MANF: variants seen among roughly 807,000 people sequenced by gnomAD.
The protein encoded by MANF is mesencephalic astrocyte-derived neurotrophic factor.
Under a neutral mutation model 19.1 loss-of-function variants are expected in MANF, and 9 were observed. That is an observed-to-expected ratio of 0.47 (90% CI 0.28 to 0.82). The LOEUF (loss-of-function observed/expected upper bound fraction) is 0.82. Among genes scored for constraint, MANF ranks in the 40% least tolerant of loss-of-function variants. The pLI is 0.10. For synonymous variants in MANF, 89 were observed against 88.0 expected, an observed-to-expected ratio of 1.01 and a Z score of -0.06; for missense variants, 225 against 226.7, an observed-to-expected ratio of 0.99 and a Z score of 0.05.
chr3:51,386,139 G>T, intron 1 of MANF, 69 bp from the exon 2 acceptor site: 1 of 1,547,864 alleles, frequency 6.5e-7, no homozygotes, highest in Non-Finnish European at 8.8e-7. Flanking sequence ...AATTGCTGGC[G>T]GAGTTCTTTT....
At position 51,385,298 on chromosome 3, in the gene MANF, C is replaced by T. The variant is rs1399020001; in HGVS notation, c.-45C>T. ...GCGCGGCGGGTGCGGTTCAGTCGGT[C>T]GGCGGCGGCAGCGGAGGAGGAGGAG... is the stretch of plus-strand genomic sequence containing the variant. On this transcript the variant is annotated 5_prime_UTR_variant, in exon 1 of 4. Coordinates refer to ENST00000528157, the MANE Select transcript of MANF (RefSeq NM_006010.6). The T allele has an allele frequency of 5.1e-6, 6 of 1,178,098 alleles. No homozygotes were observed. The highest frequency in any genetic ancestry group is 3.2e-5 in the East Asian group (1 of 31,418). The allele number at this position is 1,178,098 out of a possible 1,614,324, so 73.0% of individuals were successfully genotyped here. A position where few individuals can be genotyped will look rare whatever the true frequency, so the allele number is the denominator to read the frequency against.
At position 51,385,338 on chromosome 3, in the gene MANF, G is replaced by A. The variant is rs13091932; in HGVS notation, c.-5G>A. The A allele has an allele frequency of 8.1e-7, 1 of 1,231,762 alleles. No individual in the cohort carries two copies. Among genetic ancestry groups the A allele is most frequent in the Non-Finnish European group, 1.0e-6 (1 of 983,314 alleles). The allele number at this position is 1,231,762 out of a possible 1,614,324, so 76.3% of individuals were successfully genotyped here. A position where few individuals can be genotyped will look rare whatever the true frequency, so the allele number is the denominator to read the frequency against. Reference sequence around the variant, plus strand: ...AGGAGGAGGAGGAGGAGGAGGATGAGGAGGATGAGGAGGATGTGGGCCACG... The same window carrying A: ...AGGAGGAGGAGGAGGAGGAGGATGAAGAGGATGAGGAGGATGTGGGCCACG... On this transcript the variant is annotated 5_prime_UTR_variant, in exon 1 of 4. Coordinates refer to ENST00000528157, the MANE Select transcript of MANF (RefSeq NM_006010.6).
chr3:51,386,926 A>T (rs1553620971), intron 2 of MANF: 1 of 456,716 alleles, frequency 2.2e-6, no homozygotes, highest in South Asian at 1.5e-5. Context: ...CCCTGGTGAC[A>T]CTTAAATTCA....
intron 1 of MANF, chr3:51,385,761 A>T (rs1577015821): frequency 7.0e-6 from 2 of 287,206 alleles, no homozygotes; most frequent in Middle Eastern, 9.3e-4. Flanking sequence ...CGGGAGCTCC[A>T]GGGCTGGCCG....
At chr3:51,388,652 C>T (rs2088986743) in intron 3 of MANF, among the ~76,000 whole-genome samples, 1 of 149,690 alleles carries the variant, frequency 6.7e-6, no homozygotes, top group African/African-American at 2.4e-5. Flanking sequence ...GACAGTGTGG[C>T]CTCTGTCCCT....
Position 51,385,368 on chromosome 3 carries a change from G to GGCTGGCGGTGGC in MANF, c.33_44dup (p.Val12_Ala15dup). The GGCTGGCGGTGGC allele has an allele frequency of 4.0e-6, 5 of 1,240,028 alleles. No individual in the cohort carries two copies. Among genetic ancestry groups the GGCTGGCGGTGGC allele is most frequent in the Non-Finnish European group, 5.1e-6 (5 of 989,936 alleles). 76.8% of individuals were successfully genotyped at this position (1,240,028 alleles called of 1,614,324 possible). A position where few individuals can be genotyped will look rare whatever the true frequency, so the allele number is the denominator to read the frequency against. ...ATGAGGAGGATGTGGGCCACGCAGG[G>GGCTGGCGGTGGC]GCTGGCGGTGGCGCTGGCTCTGAGC... is the stretch of plus-strand genomic sequence containing the variant. On this transcript the variant is annotated inframe_insertion, in exon 1 of 4. Transcript: ENST00000528157.
intron 3 of MANF, among the ~76,000 whole-genome samples, 163 bp from the exon 4 acceptor site, chr3:51,388,742 G>C (rs1241132093): frequency 6.6e-6 from 1 of 152,184 alleles, no homozygotes; most frequent in East Asian, 1.9e-4. Context: ...TCCCTCTTGT[G>C]GGGGCAGTAG....
In MANF at chr3:51,389,183, C is replaced by G; in HGVS notation, c.*94C>G. 1 of 1,072,938 alleles carries G rather than the reference C, an allele frequency of 9.3e-7. No homozygotes were observed. Among genetic ancestry groups the G allele is most frequent in the Non-Finnish European group, 1.4e-6 (1 of 733,578 alleles). The allele number at this position is 1,072,938 out of a possible 1,614,324, so 66.5% of individuals were successfully genotyped here. ...TTGTAATTTATTTTTTAAGTGGGCTCCTGACAATACTGTATCAGATGTGAA... is the reference window on the plus strand; with the variant it reads ...TTGTAATTTATTTTTTAAGTGGGCTGCTGACAATACTGTATCAGATGTGAA... On this transcript the variant is annotated 3_prime_UTR_variant, in exon 4 of 4. Transcript: ENST00000528157.
At position 51,386,330 on chromosome 3, in the gene MANF, C is replaced by CGGTTGGTAAGTAGCT. The variant is rs2088961947; in HGVS notation, c.221_222+13dup. The CGGTTGGTAAGTAGCT allele has an allele frequency of 8.1e-6, 13 of 1,613,834 alleles. No homozygotes were observed. Among genetic ancestry groups the CGGTTGGTAAGTAGCT allele is most frequent in the Non-Finnish European group, 9.3e-6 (11 of 1,179,868 alleles). On this transcript the variant is annotated inframe_insertion, in exon 2 of 4. Coordinates refer to ENST00000528157, the MANE Select transcript of MANF (RefSeq NM_006010.6). The stretch of plus-strand genomic sequence containing the variant: ...CCGGGAAGCAAGAGGCAAAGAGAAT[C>CGGTTGGTAAGTAGCT]GGTTGGTAAGTAGCTGGTGATCCTC...
intron 2 of MANF, 189 bp from the exon 3 acceptor site, chr3:51,387,548 T>A (rs2088974352): frequency 1.9e-6 from 1 of 535,770 alleles, no homozygotes; most frequent in South Asian, 2.3e-5. Flanking sequence ...GAGGGGAGGA[T>A]CACCACCCAA....
chr3:51,387,848 A>G lies in MANF; in HGVS notation c.334A>G (p.Lys112Glu). 4.3e-6 allele frequency: 7 copies of G among 1,613,800 alleles called. No homozygotes were observed. Among genetic ancestry groups the G allele is most frequent in the South Asian group, 1.1e-5 (1 of 91,034 alleles). Reference protein sequence around the residue: ...VEKICEKLKKKDSQICELKYD... With the variant: ...VEKICEKLKKEDSQICELKYD... ...GAAGATCTGTGAGAAGCTTAAGAAG[A>G]AGGACAGCCAGATATGTGAGCTTAA... The change falls in exon 3 of 4, where the codon AAG (lysine) becomes GAG (glutamate). Residue 112 changes from lysine to glutamate, a missense_variant. Physicochemically the swap from Lys to Glu is moderately conservative, Grantham distance 56. Coordinates refer to ENST00000528157, the MANE Select transcript of MANF (RefSeq NM_006010.6).
chr3:51,385,770 C>G, intron 1 of MANF: 2 of 281,620 alleles, frequency 7.1e-6, no homozygotes, highest in Admixed American at 5.0e-5. Flanking sequence ...CAGGGCTGGC[C>G]GTGGGTGCTG....
In MANF at chr3:51,387,879, G is replaced by A. The variant is rs1553621063; in HGVS notation, c.364+1G>A. On this transcript the variant is annotated splice_donor_variant, in intron 3 of 3. Transcript: ENST00000528157. LOFTEE classifies it high-confidence loss of function. ...AGCCAGATATGTGAGCTTAAGTATG[G>A]TGAGTATGCCTAGTCCTTTCTTAAT... 1.9e-6 allele frequency: 3 copies of A among 1,613,524 alleles called. No homozygotes were observed. The highest frequency in any genetic ancestry group is 1.7e-5 in the Admixed American group (1 of 59,994).
chr3:51,388,634 C>T (rs1553621117), intron 3 of MANF, among the ~76,000 whole-genome samples: 1 of 151,108 alleles, frequency 6.6e-6, no homozygotes, highest in Non-Finnish European at 1.5e-5. Context: ...CCATGTTTCT[C>T]CTATAAGGAC....
intron 2 of MANF, among the ~76,000 whole-genome samples, chr3:51,387,521 G>A (rs1306279171): frequency 6.6e-6 from 1 of 151,904 alleles, no homozygotes; most frequent in Non-Finnish European, 1.5e-5. Context: ...GGTAGACCCA[G>A]CTACTAGGGT....
At chr3:51,388,463 A>C (rs1411872902) in intron 3 of MANF, among the ~76,000 whole-genome samples, 2 of 152,182 alleles carry the variant, frequency 1.3e-5, no homozygotes, top group African/African-American at 4.8e-5. Context: ...ACCTGTGTTC[A>C]CCTACTTGCG....
At position 51,385,310 on chromosome 3, in the gene MANF, CGGAGGAGGAGGAGGAGGA is replaced by C. The variant is rs1553620634; in HGVS notation, c.-26_-9del. 9.0e-7 allele frequency: 1 copy of C among 1,113,004 alleles called. No individual in the cohort carries two copies. The highest frequency in any genetic ancestry group is 1.6e-5 in the African/African-American group (1 of 61,948). The allele number at this position is 1,113,004 out of a possible 1,614,324, so 68.9% of individuals were successfully genotyped here. A position where few individuals can be genotyped will look rare whatever the true frequency, so the allele number is the denominator to read the frequency against. ...CGGTTCAGTCGGTCGGCGGCGGCAGCGGAGGAGGAGGAGGAGGAGGAGGATGAGGAGGATGAGGAGGAT... is the reference window on the plus strand; with the variant it reads ...CGGTTCAGTCGGTCGGCGGCGGCAGCGGAGGATGAGGAGGATGAGGAGGAT... On this transcript the variant is annotated 5_prime_UTR_variant, in exon 1 of 4. The change creates a new upstream start codon in the 5' untranslated region. Coordinates refer to ENST00000528157, the MANE Select transcript of MANF (RefSeq NM_006010.6).
At chr3:51,385,675 C>G in intron 1 of MANF, 1 of 366,546 alleles carries the variant, frequency 2.7e-6, no homozygotes, top group Non-Finnish European at 4.9e-6. Flanking sequence ...CCGTTGAAAA[C>G]TTGTCCTGAA....
At chr3:51,387,319 G>A (rs1405248906) in intron 2 of MANF, among the ~76,000 whole-genome samples, 3 of 152,182 alleles carry the variant, frequency 2.0e-5, no homozygotes, top group Non-Finnish European at 4.4e-5. Flanking sequence ...AGCCAGGCAT[G>A]GTGACAGGCG....
Sources: gnomAD v4.1 joint callset for allele counts (sites outside exome capture counted in the v4.1 genomes callset) on GRCh38, gnomAD v4.1.1 for gene constraint, MANE v1.5 for transcripts, NCBI Gene and HGNC (gene_info 2026-07-23, HGNC 2026-07-21) for gene names.